The following TMEM17 variants were observed in gnomAD, a reference collection of about 807,000 sequenced individuals.
TMEM17 encodes transmembrane protein 17.
A neutral mutation model predicts 19.1 loss-of-function variants in TMEM17; 15 were observed. The ratio of observed to expected loss-of-function variants is 0.78; its 90% confidence interval spans 0.52 to 1.21. The LOEUF is 1.21. TMEM17 is among the 50% of genes most tolerant of loss of function. TMEM17 has a pLI of 0.00. For missense variants in TMEM17, 245 were observed against 242.3 expected (o/e 1.01, Z -0.07); for synonymous variants, 103 against 86.9 (o/e 1.19, Z -1.03).
chr2:62,478,693 T>C, the TMEM17 span, among the ~76,000 whole-genome samples: 1 of 152,370 alleles, frequency 6.6e-6, no homozygotes, highest in East Asian at 1.9e-4. Flanking sequence ...ATTTATTTCA[T>C]GTACTATGCT....
At chr2:62,463,386 A>G in the TMEM17 span, 1 of 152,240 alleles carries the variant, frequency 6.6e-6, no homozygotes, top group South Asian at 2.1e-4. Flanking sequence ...CTCGTAAAAT[A>G]CAAAATCACC....
At chr2:62,495,495 C>CT (rs1679755763), downstream of TMEM17, among the ~76,000 whole-genome samples, 4 of 152,076 alleles carry the variant, frequency 2.6e-5, no homozygotes, top group Non-Finnish European at 1.5e-5. Flanking sequence ...TGATTTAAAA[C>CT]CCCCAAATTA....
the TMEM17 span, among the ~76,000 whole-genome samples, chr2:62,469,395 T>C: frequency 6.6e-6 from 1 of 152,242 alleles, no homozygotes. Flanking sequence ...ATTTTCAAAC[T>C]GCATGGGCTC....
At chr2:62,505,634 G>A (rs1191814423) in intron 1 of TMEM17, among the ~76,000 whole-genome samples, 1 of 152,194 alleles carries the variant, frequency 6.6e-6, no homozygotes, top group Non-Finnish European at 1.5e-5. Flanking sequence ...CGGGGCGGGC[G>A]CCGCAGAGGC....
At chr2:62,479,999 C>T in the TMEM17 span, among the ~76,000 whole-genome samples, 1 of 151,360 alleles carries the variant, frequency 6.6e-6, no homozygotes, top group African/African-American at 2.4e-5. Context: ...TACTATTCTG[C>T]ATAGTAGTTT....
At chr2:62,498,723 AAAT>A (rs1454381585), downstream of TMEM17, among the ~76,000 whole-genome samples, 6 of 64,580 alleles carry the variant, frequency 9.3e-5, no homozygotes, top group Admixed American at 1.8e-4. Context: ...CTCAAAAATA[AAAT>A]AAAATAAAAT....
the TMEM17 span, among the ~76,000 whole-genome samples, chr2:62,478,889 G>C: frequency 1.3e-5 from 2 of 152,094 alleles, no homozygotes; most frequent in African/African-American, 2.4e-5. Context: ...TCCCAAAAAG[G>C]AGCCCAAAAG....
the TMEM17 span, among the ~76,000 whole-genome samples, chr2:62,472,775 T>C: frequency 3.9e-5 from 6 of 152,252 alleles, no homozygotes; most frequent in South Asian, 1.0e-3. Context: ...TTAGGCATAG[T>C]TGGGAGATAA....
chr2:62,465,077 A>G, the TMEM17 span, among the ~76,000 whole-genome samples: 8 of 152,210 alleles, frequency 5.3e-5, no homozygotes, highest in Non-Finnish European at 1.2e-4. Context: ...AGGGCAGTCT[A>G]GTCCCCAGGC....
At chr2:62,486,818 C>T in the TMEM17 span, among the ~76,000 whole-genome samples, 2 of 152,138 alleles carry the variant, frequency 1.3e-5, no homozygotes, top group South Asian at 2.1e-4. Flanking sequence ...ACTCAGGTAT[C>T]CCAGGGACAG....
chr2:62,471,321 C>T, the TMEM17 span, among the ~76,000 whole-genome samples: 1 of 152,180 alleles, frequency 6.6e-6, no homozygotes, highest in Non-Finnish European at 1.5e-5. Flanking sequence ...CTGGGCAATG[C>T]TCTTAACCTC....
At chr2:62,497,378 C>T (rs1679802829), downstream of TMEM17, among the ~76,000 whole-genome samples, 1 of 152,164 alleles carries the variant, frequency 6.6e-6, no homozygotes, top group African/African-American at 2.4e-5. Flanking sequence ...AAGCTTTAGC[C>T]AGGCTTGCTA....
chr2:62,492,000 G>T, the TMEM17 span, among the ~76,000 whole-genome samples: 1 of 151,114 alleles, frequency 6.6e-6, no homozygotes, highest in Non-Finnish European at 1.5e-5. Flanking sequence ...ATAGGTAAAC[G>T]TATTATTAGA....
At chr2:62,485,239 T>A in the TMEM17 span, among the ~76,000 whole-genome samples, 1 of 152,218 alleles carries the variant, frequency 6.6e-6, no homozygotes, top group Non-Finnish European at 1.5e-5. Flanking sequence ...CACGCCCAGC[T>A]TGATTCATAA....
At position 62,506,137 on chromosome 2, in the gene TMEM17, C is replaced by T; in HGVS notation, c.-8G>A. 1 of 1,600,262 alleles carries T rather than the reference C, an allele frequency of 6.2e-7. No homozygotes were observed. The highest frequency in any genetic ancestry group is 8.5e-7 in the Non-Finnish European group (1 of 1,173,644). ...CGGATCCGGCAGCTCCATGCCTGGG[C>T]CTCAGTATCCCTCACCCCCTCAGAC... On this transcript the variant is annotated 5_prime_UTR_variant, in exon 1 of 4. Transcript: ENST00000335390.
At chr2:62,490,030 G>C in the TMEM17 span, among the ~76,000 whole-genome samples, 1 of 152,012 alleles carries the variant, frequency 6.6e-6, no homozygotes, top group Non-Finnish European at 1.5e-5. Flanking sequence ...CAAAAAATTA[G>C]CTGGGTGTGG....
chr2:62,461,248 T>TA, the TMEM17 span, among the ~76,000 whole-genome samples: 2,852 of 152,338 alleles, frequency 0.019, 91 homozygotes, highest in African/African-American at 0.062. Context: ...AAATGAGCTT[T>TA]GGCTTGGTTG....
At chr2:62,462,522 C>G in the TMEM17 span, among the ~76,000 whole-genome samples, 1 of 152,172 alleles carries the variant, frequency 6.6e-6, no homozygotes, top group Non-Finnish European at 1.5e-5. Flanking sequence ...CTTTTGCTTA[C>G]AATTTCATTC....
chr2:62,499,810 A>T (rs1185496454), downstream of TMEM17, among the ~76,000 whole-genome samples: 1 of 152,238 alleles, frequency 6.6e-6, no homozygotes, highest in Non-Finnish European at 1.5e-5. Flanking sequence ...CCTGTAATGA[A>T]CATATCATAT....
Sources: gnomAD v4.1 joint callset for allele counts (sites outside exome capture counted in the v4.1 genomes callset) on GRCh38, gnomAD v4.1.1 for gene constraint, MANE v1.5 for transcripts, NCBI Gene and HGNC (gene_info 2026-07-23, HGNC 2026-07-21) for gene names.